The following SGCD variants were observed in gnomAD, a reference collection of about 807,000 sequenced individuals.
SGCD encodes sarcoglycan delta.
SGCD carries 18 observed loss-of-function variants against 36.6 expected under a neutral mutation model. The observed-to-expected ratio is 0.49, with a 90% confidence interval of 0.34 to 0.73. The LOEUF (loss-of-function observed/expected upper bound fraction) is 0.73, where lower values mean the gene tolerates loss of function less well. SGCD is among the 30% of genes least tolerant of loss of function. The probability of loss-of-function intolerance (pLI) is 0.01; values close to 1 mark genes in which losing one functional copy is unlikely to be tolerated. For missense variants in SGCD, 387 were observed against 346.7 expected, an observed-to-expected ratio of 1.12 and a Z score of -0.92; for synonymous variants, 133 against 130.6, an observed-to-expected ratio of 1.02 and a Z score of -0.12.
intron 3 of SGCD, among the ~76,000 whole-genome samples, chr5:156,134,815 G>A (rs1343559215): frequency 6.6e-6 from 1 of 152,082 alleles, no homozygotes; most frequent in African/African-American, 2.4e-5. Flanking sequence ...TGCACATTGT[G>A]CACATGTACC....
the SGCD span, among the ~76,000 whole-genome samples, chr5:155,735,132 T>A: frequency 2.0e-5 from 3 of 152,326 alleles, no homozygotes; most frequent in Non-Finnish European, 4.4e-5. Context: ...GTGGCCATTG[T>A]CCTTAAATGC....
At chr5:156,636,067 A>ACAGG (rs1276696088) in intron 6 of SGCD, among the ~76,000 whole-genome samples, 2 of 152,114 alleles carry the variant, frequency 1.3e-5, no homozygotes, top group East Asian at 3.9e-4. Context: ...GTTGCAGGAC[A>ACAGG]CAGGGACTCA....
intron 6 of SGCD, among the ~76,000 whole-genome samples, chr5:156,632,140 G>C (rs189358809): frequency 1.3e-5 from 2 of 152,264 alleles, no homozygotes; most frequent in Admixed American, 1.3e-4. Flanking sequence ...CAGAAGGAGA[G>C]ACAGAAACAC....
At chr5:156,475,942 T>A (rs938488740) in intron 3 of SGCD, among the ~76,000 whole-genome samples, 2 of 152,196 alleles carry the variant, frequency 1.3e-5, no homozygotes, top group East Asian at 3.9e-4. Flanking sequence ...GCATTGGAGC[T>A]TGAAGGTTAA....
At position 156,759,770 on chromosome 5, in the gene SGCD, T is replaced by C. The variant is rs1757466293; in HGVS notation, c.*380T>C. On this transcript the variant is annotated 3_prime_UTR_variant, in exon 9 of 9. Coordinates refer to ENST00000337851, the MANE Select transcript of SGCD (RefSeq NM_000337.6). The stretch of plus-strand genomic sequence containing the variant: ...GTATTAAACACTGACAGAATCTTCA[T>C]CTAGATATTCGAGTAGCAGCATATC... 1 of 152,126 alleles carries C rather than the reference T, an allele frequency of 6.6e-6. No individual in the cohort carries two copies. The highest frequency in any genetic ancestry group is 1.5e-5 in the Non-Finnish European group (1 of 68,042). The allele number at this position is 152,126 out of a possible 1,614,324, so 9.4% of individuals were successfully genotyped here. A position where few individuals can be genotyped will look rare whatever the true frequency, so the allele number is the denominator to read the frequency against.
Position 156,028,248 on chromosome 5 carries a change from C to T in SGCD, c.-281-89630C>T, listed in dbSNP as rs527592106. On this transcript the variant is annotated intron_variant, in intron 1 of 9. Transcript: ENST00000517913. ...AAGACAGGGTAGAATGTGCGTTCAG[C>T]CCAGAAATAGCCCTTGAACATGACT... Among the ~76,000 whole-genome samples, 6 of 152,266 alleles carry T rather than the reference C, an allele frequency of 3.9e-5. No homozygotes were observed. The South Asian group carries it at 1.2e-3, about 32-fold the overall frequency.
chr5:155,951,158 T>G (rs1221480134), intron 1 of SGCD, among the ~76,000 whole-genome samples: 1 of 152,154 alleles, frequency 6.6e-6, no homozygotes, highest in African/African-American at 2.4e-5. Context: ...TGTCAAATGC[T>G]GCACCATAAA....
intron 3 of SGCD, among the ~76,000 whole-genome samples, chr5:156,154,455 T>C (rs1762902289): frequency 6.6e-6 from 1 of 151,770 alleles, no homozygotes; most frequent in Non-Finnish European, 1.5e-5. Flanking sequence ...GATGCCACTG[T>C]GACTGATAAA....
At chr5:156,082,047 T>G (rs555417664) in intron 1 of SGCD, among the ~76,000 whole-genome samples, 1 of 152,280 alleles carries the variant, frequency 6.6e-6, no homozygotes, top group African/African-American at 2.4e-5. Flanking sequence ...CAGGCAGTGA[T>G]TTATGACAAA....
chr5:156,653,091 G>A (rs780064731), intron 7 of SGCD, among the ~76,000 whole-genome samples: 4 of 151,876 alleles, frequency 2.6e-5, no homozygotes, highest in African/African-American at 4.8e-5. Flanking sequence ...TTTGATATTC[G>A]GGTGATGCTG....
intron 1 of SGCD, among the ~76,000 whole-genome samples, chr5:155,944,957 A>G (rs1757408685): frequency 6.6e-6 from 1 of 152,160 alleles, no homozygotes; most frequent in East Asian, 1.9e-4. Flanking sequence ...CACCATATAG[A>G]TGGTGGCCCA....
intron 1 of SGCD, among the ~76,000 whole-genome samples, chr5:156,041,486 C>G (rs7736045): frequency 0.19 from 28,541 of 152,038 alleles, 2,846 homozygotes; most frequent in Non-Finnish European, 0.21. Flanking sequence ...GAGAGGAGGG[C>G]CTGAAGGAAG....
intron 4 of SGCD, among the ~76,000 whole-genome samples, chr5:156,572,574 C>A (rs1275333864): frequency 6.6e-6 from 1 of 152,108 alleles, no homozygotes; most frequent in African/African-American, 2.4e-5. Flanking sequence ...ATGACCTGAT[C>A]TCTCCAACCT....
intron 7 of SGCD, among the ~76,000 whole-genome samples, chr5:156,650,791 A>G (rs1008731828): frequency 2.0e-5 from 3 of 152,206 alleles, no homozygotes; most frequent in African/African-American, 4.8e-5. Context: ...TGCAATGAAT[A>G]TACAAGTGCC....
chr5:155,775,855 A>G, the SGCD span, among the ~76,000 whole-genome samples: 130,549 of 152,034 alleles, frequency 0.86, 56,168 homozygotes, highest in East Asian at 0.99. Flanking sequence ...ACCTGGGCCA[A>G]TTCTGCTCCA....
intron 1 of SGCD, among the ~76,000 whole-genome samples, chr5:155,979,498 C>G (rs1460653293): frequency 6.6e-6 from 1 of 152,052 alleles, no homozygotes; most frequent in Non-Finnish European, 1.5e-5. Flanking sequence ...CTGCTGAGAT[C>G]AATACATGTG....
chr5:155,869,676 C>T (rs925634491), upstream of SGCD, among the ~76,000 whole-genome samples: 13 of 151,482 alleles, frequency 8.6e-5, no homozygotes, highest in East Asian at 3.9e-4. Context: ...CACCTAGCCT[C>T]GGTGTTCTCA....
At chr5:156,650,747 C>A (rs941988295) in intron 7 of SGCD, among the ~76,000 whole-genome samples, 5 of 151,882 alleles carry the variant, frequency 3.3e-5, no homozygotes, top group Non-Finnish European at 7.4e-5. Flanking sequence ...TTGACAGATA[C>A]CTAGGTTGAT....
intron 3 of SGCD, among the ~76,000 whole-genome samples, chr5:156,240,358 C>T (rs1362720055): frequency 2.6e-5 from 4 of 151,828 alleles, no homozygotes; most frequent in Admixed American, 2.6e-4. Context: ...TTTATTAAGC[C>T]CTATCAGTCT....
Sources: allele counts gnomAD v4.1 joint callset (sites outside exome capture counted in the v4.1 genomes callset), GRCh38; gene constraint gnomAD v4.1.1; transcripts MANE v1.5; gene names NCBI Gene and HGNC (gene_info 2026-07-23, HGNC 2026-07-21).